The following AMD1 variants were observed in gnomAD, a reference collection of about 807,000 sequenced individuals.
AMD1 encodes adenosylmethionine decarboxylase 1, also known as S-adenosylmethionine decarboxylase proenzyme.
AMD1 carries 11 observed loss-of-function variants against 40.2 expected under a neutral mutation model. The observed-to-expected ratio is 0.27, with a 90% CI of 0.17 to 0.45. AMD1 has a LOEUF of 0.45. Ranked by LOEUF, AMD1 falls within the 20% of genes least tolerant of loss-of-function variation. The pLI, the probability that AMD1 is intolerant of heterozygous loss-of-function variation, is 1.00. For synonymous variants in AMD1, 121 were observed against 130.8 expected, an observed-to-expected ratio of 0.93 and a Z score of 0.51; for missense variants, 257 against 410.2, an observed-to-expected ratio of 0.63 and a Z score of 3.23.
intron 1 of AMD1, among the ~76,000 whole-genome samples, chr6:110,876,929 TAAAGG>T (rs1785145609): frequency 6.6e-6 from 1 of 152,192 alleles, no homozygotes; most frequent in Non-Finnish European, 1.5e-5. Context: ...ATGTTCTTAA[TAAAGG>T]GAAGAAGATT....
chr6:110,885,608 A>G (rs1289537052), intron 1 of AMD1, among the ~76,000 whole-genome samples: 1 of 152,152 alleles, frequency 6.6e-6, no homozygotes, highest in Non-Finnish European at 1.5e-5. Flanking sequence ...GGTAATTTCA[A>G]GGGTTGTCAC....
the AMD1 span, among the ~76,000 whole-genome samples, chr6:110,835,081 C>A: frequency 6.8e-6 from 1 of 148,066 alleles, no homozygotes; most frequent in African/African-American, 2.5e-5. Flanking sequence ...TGCAGTGGCA[C>A]GATCTTGGCT....
chr6:110,842,948 T>C, the AMD1 span, among the ~76,000 whole-genome samples: 1 of 151,618 alleles, frequency 6.6e-6, no homozygotes, highest in African/African-American at 2.4e-5. Context: ...GCCTGGACAA[T>C]ATCATGAAAC....
At chr6:110,816,869 C>T in the AMD1 span, among the ~76,000 whole-genome samples, 1 of 152,116 alleles carries the variant, frequency 6.6e-6, no homozygotes, top group African/African-American at 2.4e-5. Context: ...ATTACAGGTC[C>T]GTGCCACCAT....
intron 1 of AMD1, among the ~76,000 whole-genome samples, chr6:110,880,062 TCTC>T (rs1785318694): frequency 6.6e-6 from 1 of 152,018 alleles, no homozygotes; most frequent in Admixed American, 6.6e-5. Flanking sequence ...TTCAAATGAT[TCTC>T]CTGCCTCAGC....
the AMD1 span, among the ~76,000 whole-genome samples, chr6:110,826,857 A>G: frequency 6.6e-6 from 1 of 151,778 alleles, no homozygotes; most frequent in East Asian, 1.9e-4. Flanking sequence ...AGACCTGGCT[A>G]ATTTTTGTAT....
the AMD1 span, among the ~76,000 whole-genome samples, chr6:110,841,002 A>G: frequency 6.6e-6 from 1 of 152,218 alleles, no homozygotes; most frequent in African/African-American, 2.4e-5. Flanking sequence ...ACAATCCTGC[A>G]AAATAAGAAT....
At chr6:110,872,602 C>T (rs1034207938), upstream of AMD1, among the ~76,000 whole-genome samples, 2 of 152,088 alleles carry the variant, frequency 1.3e-5, no homozygotes, top group African/African-American at 4.8e-5. Context: ...GATTAACCAA[C>T]TTAGTACAAG....
the AMD1 span, among the ~76,000 whole-genome samples, chr6:110,865,772 T>G: frequency 9.9e-5 from 15 of 152,116 alleles, no homozygotes; most frequent in Non-Finnish European, 1.9e-4. Context: ...TCTTTCTTTT[T>G]TTTTGTTTGA....
intron 1 of AMD1, among the ~76,000 whole-genome samples, chr6:110,877,881 A>G (rs1030015077): frequency 6.6e-6 from 1 of 152,248 alleles, no homozygotes. Context: ...TTTATAAAGC[A>G]TAATAAACAT....
chr6:110,815,244 C>T, the AMD1 span: 2 of 1,160,968 alleles, frequency 1.7e-6, no homozygotes, highest in East Asian at 3.7e-5. Context: ...CCGCCTCTCG[C>T]GCGCGCGCGC....
At chr6:110,835,253 C>T in the AMD1 span, among the ~76,000 whole-genome samples, 3 of 151,560 alleles carry the variant, frequency 2.0e-5, no homozygotes, top group Non-Finnish European at 4.4e-5. Context: ...CTCCTGACCT[C>T]GTGATCCGCC....
At chr6:110,844,217 G>A in the AMD1 span, among the ~76,000 whole-genome samples, 1 of 146,920 alleles carries the variant, frequency 6.8e-6, no homozygotes, top group Non-Finnish European at 1.5e-5. Flanking sequence ...GCAAGATCCT[G>A]TCCCTACTTC....
chr6:110,840,140 C>A, the AMD1 span, among the ~76,000 whole-genome samples: 4 of 151,550 alleles, frequency 2.6e-5, no homozygotes, highest in African/African-American at 9.7e-5. Context: ...GCCTCAGCCT[C>A]CTGAGTAGCT....
chr6:110,892,532 A>T, intron 6 of AMD1, 89 bp downstream of exon 6: 1 of 1,563,170 alleles, frequency 6.4e-7, no homozygotes. Context: ...AGTTCAGGGT[A>T]ACAAGTGCTA....
chr6:110,839,731 T>C, the AMD1 span, among the ~76,000 whole-genome samples: 1 of 152,228 alleles, frequency 6.6e-6, no homozygotes, highest in Admixed American at 6.5e-5. Flanking sequence ...GTATCTAATC[T>C]ACCATGCTGC....
the AMD1 span, among the ~76,000 whole-genome samples, chr6:110,831,283 CA>C: frequency 1.3e-5 from 2 of 151,332 alleles, no homozygotes; most frequent in East Asian, 2.0e-4. Flanking sequence ...ACTAAAAATA[CA>C]AAAAATTAGC....
In AMD1 at chr6:110,893,044, G is replaced by A. The variant is rs770140677; in HGVS notation, c.843G>A (p.Val281=). ...VVEVFKPGKF[V]TTLFVNQSSK... is the part of the protein sequence containing the mutation. ...AAGTCTTCAAGCCAGGAAAATTTGT[G>A]ACCACCTTGTTTGTTAATCAGGTAA... Residue 281 remains valine (V), a synonymous_variant, in exon 8 of 9, where the codon GTG becomes GTA. Coordinates refer to ENST00000368885, the MANE Select transcript of AMD1 (RefSeq NM_001634.6). 6.2e-7 allele frequency: 1 copy of A among 1,608,358 alleles called. No individual in the cohort carries two copies. Among genetic ancestry groups the A allele is most frequent in the Non-Finnish European group, 8.5e-7 (1 of 1,177,904 alleles).
the AMD1 span, among the ~76,000 whole-genome samples, chr6:110,839,495 C>A: frequency 2.0e-5 from 3 of 152,056 alleles, no homozygotes; most frequent in Non-Finnish European, 4.4e-5. Flanking sequence ...GTGGTGTGAA[C>A]CTGTAGTCCC....
Sources: allele counts gnomAD v4.1 joint callset (sites outside exome capture counted in the v4.1 genomes callset), GRCh38; gene constraint gnomAD v4.1.1; transcripts MANE v1.5; gene names NCBI Gene and HGNC (gene_info 2026-07-23, HGNC 2026-07-21).